RFX2: variants seen among roughly 807,000 people sequenced by gnomAD.
RFX2 encodes DNA-binding protein RFX2.
A neutral mutation model predicts 87.8 loss-of-function variants in RFX2; 20 were observed. That is an observed-to-expected ratio of 0.23 (90% CI 0.16 to 0.33). The LOEUF (loss-of-function observed/expected upper bound fraction) is 0.33. RFX2 is among the 10% of genes least tolerant of loss of function. The pLI, the probability that RFX2 is intolerant of heterozygous loss-of-function variation, is 1.00. For synonymous variants in RFX2, 397 were observed against 431.3 expected (o/e 0.92, Z 0.98); for missense variants, 767 against 1,012.3 (o/e 0.76, Z 3.29).
At chr19:6,003,427 C>G (rs139120525) in intron 13 of RFX2, among the ~76,000 whole-genome samples, 2 of 152,108 alleles carry the variant, frequency 1.3e-5, no homozygotes, top group Admixed American at 1.3e-4. Flanking sequence ...AGATCAATTC[C>G]GAAGAGCAGG....
rs775921218 is a variant in RFX2 at position 6,048,723 on chromosome 19, T to A, written c.-8-1219A>T. Among the ~76,000 whole-genome samples, 16 of 152,294 alleles carry A rather than the reference T, an allele frequency of 1.1e-4. No individual in the cohort carries two copies. In the Middle Eastern group the frequency reaches 0.01, roughly 97 times the overall value. On this transcript the variant is annotated intron_variant, in intron 1 of 17. Transcript: ENST00000303657. Reference sequence around the variant, plus strand: ...TATCTCTTATAATGAGTGAAAAAAATTTTAAGCTTTTTAAAAATGAAAAGT... The same window carrying A: ...TATCTCTTATAATGAGTGAAAAAAAATTTAAGCTTTTTAAAAATGAAAAGT...
chr19:5,994,687 G>T lies in RFX2; in HGVS notation c.*148C>A. 1.6e-6 allele frequency: 1 copy of T among 614,606 alleles called. No individual in the cohort carries two copies. Among genetic ancestry groups the T allele is most frequent in the Non-Finnish European group, 2.9e-6 (1 of 346,596 alleles). The allele number at this position is 614,606 out of a possible 1,614,324, so 38.1% of individuals were successfully genotyped here. On this transcript the variant is annotated 3_prime_UTR_variant, in exon 18 of 18. Transcript: ENST00000303657. ...AGCTTCAACAACTGCTTTCCTTCTT[G>T]AACACTGACCCCGGGAGCCCCCGCT...
intron 1 of RFX2, among the ~76,000 whole-genome samples, chr19:6,106,066 ACTC>A (rs974400747): frequency 6.6e-6 from 1 of 151,342 alleles, no homozygotes; most frequent in Non-Finnish European, 1.5e-5. Context: ...ACCTTTTGCC[ACTC>A]CTCCTTCACC....
intron 10 of RFX2, 51 bp downstream of exon 10, chr19:6,008,055 G>A (rs997963695): frequency 2.0e-5 from 27 of 1,371,126 alleles, no homozygotes; most frequent in Admixed American, 5.9e-5. Context: ...GAGCGCTGGC[G>A]GTTCCCGGGA....
chr19:6,002,733 A>T lies in RFX2; in HGVS notation c.1638T>A (p.Phe546Leu), dbSNP rs374306506. ...QMLSDLNRVD[F>L]ANVQEQASWV... ...TGGAGGAAGTCACCTGCACGTTGGC[A>T]AAGTCCACGCGGTTGAGGTCGCTGA... is the stretch of plus-strand genomic sequence containing the variant. Residue 546 changes from phenylalanine (F) to leucine (L), a missense_variant, in exon 14 of 18, where the codon TTT (phenylalanine) becomes TTA (leucine). This residue lies in a region of RFX2 where 621 missense variants were observed against 873.0 expected (regional missense o/e 0.71). Transcript: ENST00000303657. The surrounding 1 kb of genome is among the most constrained non-coding windows in gnomAD (Gnocchi z 6.7). 6.2e-7 allele frequency: 1 copy of T among 1,613,596 alleles called. No individual in the cohort carries two copies. The highest frequency in any genetic ancestry group is 8.5e-7 in the Non-Finnish European group (1 of 1,179,948).
chr19:6,045,817 A>G lies in RFX2; in HGVS notation c.91-1535T>C, dbSNP rs1008695652. 3.3e-5 allele frequency among the ~76,000 whole-genome samples: 5 copies of G among 152,060 alleles called. No homozygotes were observed. Among genetic ancestry groups the G allele is most frequent in the Admixed American group, 6.5e-5 (1 of 15,276 alleles). On this transcript the variant is annotated intron_variant, in intron 2 of 17. Transcript: ENST00000303657. The surrounding 1 kb of genome is among the most constrained non-coding windows in gnomAD (Gnocchi z 5.2). ...TTCCCGAGTAGCTGGGATTACAAGC[A>G]TGTGCCACAATGCTCGGCTAATTTA...
rs1465021085 is a variant in RFX2 at position 6,039,489 on chromosome 19, G to A, written c.522+491C>T. Reference sequence around the variant, plus strand: ...AAATGAAAAGTAAACACGGGTAATCGAGTTTTAAATGTAGAGACTCTGGAA... The same window carrying A: ...AAATGAAAAGTAAACACGGGTAATCAAGTTTTAAATGTAGAGACTCTGGAA... On this transcript the variant is annotated intron_variant, in intron 5 of 17. Transcript: ENST00000303657. This position sits in a 1 kb window ranked among gnomAD's most constrained non-coding sequence, Gnocchi z 5.2. 1.3e-5 allele frequency among the ~76,000 whole-genome samples: 2 copies of A among 152,138 alleles called. No individual in the cohort carries two copies. Among genetic ancestry groups the A allele is most frequent in the African/African-American group, 4.8e-5 (2 of 41,418 alleles).
At chr19:6,046,753 T>C (rs115215622) in intron 2 of RFX2, among the ~76,000 whole-genome samples, 2,521 of 151,426 alleles carry the variant, frequency 0.017, 69 homozygotes, top group African/African-American at 0.058. Flanking sequence ...TGCACCACTA[T>C]GCCTGGCTAA....
intron 5 of RFX2, among the ~76,000 whole-genome samples, chr19:6,034,628 C>G (rs1294110605): frequency 1.3e-5 from 2 of 152,186 alleles, no homozygotes; most frequent in African/African-American, 4.8e-5. Flanking sequence ...TCCCAAAGTG[C>G]TAGTATTACA....
Position 6,021,170 on chromosome 19 carries a change from T to C in RFX2, c.598-4899A>G, listed in dbSNP as rs2086806144. Among the ~76,000 whole-genome samples, 1 of 152,188 alleles carries C rather than the reference T, an allele frequency of 6.6e-6. No individual in the cohort carries two copies. Among genetic ancestry groups the C allele is most frequent in the South Asian group, 2.1e-4 (1 of 4,834 alleles). On this transcript the variant is annotated intron_variant, in intron 6 of 17. Transcript: ENST00000303657. The surrounding 1 kb of genome is among the most constrained non-coding windows in gnomAD (Gnocchi z 5.7). ...GTTAGAGTCTCACCGGGCCATACAC[T>C]AGCAGCTCGGGCAGCTATTCCAACC...
In RFX2 at chr19:6,061,354, T is replaced by G. The variant is rs2087427244; in HGVS notation, c.-8-13850A>C. 6.6e-6 allele frequency among the ~76,000 whole-genome samples: 1 copy of G among 151,342 alleles called. No individual in the cohort carries two copies. Among genetic ancestry groups the G allele is most frequent in the Non-Finnish European group, 1.5e-5 (1 of 67,980 alleles). ...ATTTTCACCGCATAGACAGTGTGTG[T>G]GCTAAATCAAGGGATTAACTACCAA... On this transcript the variant is annotated intron_variant, in intron 1 of 17. Coordinates refer to ENST00000303657, the MANE Select transcript of RFX2 (RefSeq NM_000635.4). This position sits in a 1 kb window ranked among gnomAD's most constrained non-coding sequence, Gnocchi z 5.2.
At chr19:6,065,248 C>T (rs572347842) in intron 1 of RFX2, among the ~76,000 whole-genome samples, 1 of 152,142 alleles carries the variant, frequency 6.6e-6, no homozygotes, top group Non-Finnish European at 1.5e-5. Context: ...TTGGGGGAGT[C>T]TTTGTGTAAG....
Position 5,997,376 on chromosome 19 carries a change from T to C in RFX2, c.1860-163A>G. 1 of 793,630 alleles carries C rather than the reference T, an allele frequency of 1.3e-6. No individual in the cohort carries two copies. Among genetic ancestry groups the C allele is most frequent in the Non-Finnish European group, 1.9e-6 (1 of 526,670 alleles). The allele number at this position is 793,630 out of a possible 1,614,324, so 49.2% of individuals were successfully genotyped here. A position where few individuals can be genotyped will look rare whatever the true frequency, so the allele number is the denominator to read the frequency against. On this transcript the variant is annotated intron_variant, in intron 15 of 17. Coordinates refer to ENST00000303657, the MANE Select transcript of RFX2 (RefSeq NM_000635.4). This position sits in a 1 kb window ranked among gnomAD's most constrained non-coding sequence, Gnocchi z 4.2. ...CAGGCCTACGCGGGGGCTGACGGGC[T>C]GCCGAGACCCTGGGCCCACGTGACG...
chr19:6,031,629 C>T (rs560534002), intron 5 of RFX2, among the ~76,000 whole-genome samples: 5 of 151,976 alleles, frequency 3.3e-5, no homozygotes, highest in South Asian at 2.1e-4. Flanking sequence ...GGGGTTTCAC[C>T]ATGTTGGCCA....
At chr19:6,069,828 A>G (rs2087569765) in intron 1 of RFX2, among the ~76,000 whole-genome samples, 1 of 152,190 alleles carries the variant, frequency 6.6e-6, no homozygotes, top group Non-Finnish European at 1.5e-5. Flanking sequence ...CTTTTGAGGA[A>G]TTTTTGCTAG....
intron 12 of RFX2, among the ~76,000 whole-genome samples, chr19:6,006,708 C>T (rs1448526876): frequency 6.6e-6 from 1 of 151,906 alleles, no homozygotes; most frequent in Non-Finnish European, 1.5e-5. Flanking sequence ...CCTCAGCCTC[C>T]CAAAGTGCTG....
chr19:6,069,802 G>A (rs991200252), intron 1 of RFX2, among the ~76,000 whole-genome samples: 2 of 152,206 alleles, frequency 1.3e-5, no homozygotes, highest in African/African-American at 4.8e-5. Context: ...ACTGGAGACA[G>A]GAGGACCAGA....
Position 6,033,702 on chromosome 19 carries a change from A to T in RFX2, c.522+6278T>A, listed in dbSNP as rs189762243. Among the ~76,000 whole-genome samples the T allele has an allele frequency of 2.1e-3, 315 of 152,094 alleles. 2 individuals carry two copies. Among genetic ancestry groups the T allele is most frequent in the African/African-American group, 7.2e-3 (297 of 41,478 alleles). On this transcript the variant is annotated intron_variant, in intron 5 of 17. Transcript: ENST00000303657. The stretch of plus-strand genomic sequence containing the variant: ...ACTTGCCAGAACCCATGGAACGCAT[A>T]CCACCAAGAGTGAACCCTAATGTGA...
chr19:6,056,856 CG>C lies in RFX2; in HGVS notation c.-8-9353del, dbSNP rs2087350423. Among the ~76,000 whole-genome samples the C allele has an allele frequency of 1.3e-5, 2 of 152,124 alleles. No homozygotes were observed. Among genetic ancestry groups the C allele is most frequent in the Non-Finnish European group, 2.9e-5 (2 of 68,036 alleles). ...CTCTTAGACTGGGTTACAGGAGCCTCGGAACAGCCAATATAAAGGGGAGGGG... is the reference window on the plus strand; with the variant it reads ...CTCTTAGACTGGGTTACAGGAGCCTCGAACAGCCAATATAAAGGGGAGGGG... On this transcript the variant is annotated intron_variant, in intron 1 of 17. Transcript: ENST00000303657. The surrounding 1 kb of genome is among the most constrained non-coding windows in gnomAD (Gnocchi z 4.6).
Sources: allele counts gnomAD v4.1 joint callset (sites outside exome capture counted in the v4.1 genomes callset), GRCh38; gene constraint gnomAD v4.1.1; regional missense constraint gnomAD v4.1.1; non-coding constraint Gnocchi (gnomAD v3.1); transcripts MANE v1.5; gene names NCBI Gene and HGNC (gene_info 2026-07-23, HGNC 2026-07-21).